The following CLTC variants were observed in gnomAD, a reference collection of about 807,000 sequenced individuals.
The protein encoded by CLTC is clathrin heavy chain 1.
In CLTC, 16 loss-of-function variants were observed where a neutral mutation model predicts 195.8. That is an observed-to-expected ratio of 0.08 (90% CI 0.06 to 0.12). The LOEUF (loss-of-function observed/expected upper bound fraction) is 0.12. Ranked by LOEUF, CLTC falls within the 10% of genes least tolerant of loss-of-function variation. CLTC has a pLI of 1.00. For missense variants in CLTC, 796 were observed against 2,027.0 expected (o/e 0.39, Z 11.66); for synonymous variants, 667 against 689.4 (o/e 0.97, Z 0.51).
At chr17:59,643,603 A>G (rs1255217605) in intron 1 of CLTC, among the ~76,000 whole-genome samples, 4 of 151,970 alleles carry the variant, frequency 2.6e-5, no homozygotes, top group African/African-American at 7.3e-5. Flanking sequence ...TACTCCCTCA[A>G]TCCTATAGTG....
chr17:59,673,603 CAT>C (rs1313010170), intron 14 of CLTC, 42 bp from the exon 15 acceptor site: 1 of 1,501,004 alleles, frequency 6.7e-7, no homozygotes. Flanking sequence ...TTTGATACCT[CAT>C]AGAAGAAATT....
intron 30 of CLTC, chr17:59,687,044 C>T (rs966784803): frequency 2.7e-5 from 27 of 984,154 alleles, no homozygotes; most frequent in Admixed American, 1.2e-4. Flanking sequence ...TCTTTAACAT[C>T]TTTAAGTCTG....
At chr17:59,654,613 G>A (rs765552289) in intron 5 of CLTC, among the ~76,000 whole-genome samples, 1 of 152,214 alleles carries the variant, frequency 6.6e-6, no homozygotes, top group African/African-American at 2.4e-5. Flanking sequence ...CCCAGTAGCT[G>A]GGACTACAGG....
At chr17:59,638,099 A>G (rs2031922983) in intron 1 of CLTC, among the ~76,000 whole-genome samples, 1 of 152,148 alleles carries the variant, frequency 6.6e-6, no homozygotes, top group Non-Finnish European at 1.5e-5. Flanking sequence ...CAACCTATGG[A>G]CAGCTGAATT....
chr17:59,664,835 A>G lies in CLTC; in HGVS notation c.1570A>G (p.Ile524Val). The stretch of plus-strand genomic sequence containing the variant: ...ATTTCTGCTGAGAAATGTAATGCGA[A>G]TCAGTCCAGATCAGGGACAGCAGTT... ...WIFLLRNVMR[I>V]SPDQGQQFAQ... The change falls in exon 10 of 32, where the codon ATC becomes GTC. Residue 524 changes from isoleucine to valine, a missense_variant. Ile to Val is a conservative substitution (Grantham distance 29, BLOSUM62 3). Transcript: ENST00000269122. 6.2e-7 allele frequency: 1 copy of G among 1,614,080 alleles called. No individual in the cohort carries two copies. Among genetic ancestry groups the G allele is most frequent in the East Asian group, 2.2e-5 (1 of 44,868 alleles).
rs55669818 is a variant in CLTC, at chr17:59,656,666, ATT to A, written c.969+660_969+661del. ...CTTTATCTGTCATCTTATTATTTTA[ATT>A]TTTTTTTTTTTTTTTTTTTTCTTGA... On this transcript the variant is annotated intron_variant, in intron 6 of 31. Transcript: ENST00000269122. 2.2e-3 allele frequency among the ~76,000 whole-genome samples: 216 copies of A among 96,192 alleles called. 1 individual carries two copies. Among genetic ancestry groups the A allele is most frequent in the East Asian group, 9.6e-3 (30 of 3,116 alleles). 63.1% of individuals were successfully genotyped at this position (96,192 alleles called of 152,430 possible). A position where few individuals can be genotyped will look rare whatever the true frequency, so the allele number is the denominator to read the frequency against.
At chr17:59,649,655 G>T (rs750703970) in intron 4 of CLTC, among the ~76,000 whole-genome samples, 1 of 152,186 alleles carries the variant, frequency 6.6e-6, no homozygotes, top group Non-Finnish European at 1.5e-5. Context: ...TTTAAAAATT[G>T]AGATAGAGAT....
chr17:59,678,085 T>TA (rs1247233794), intron 17 of CLTC, among the ~76,000 whole-genome samples: 1 of 152,222 alleles, frequency 6.6e-6, no homozygotes, highest in Non-Finnish European at 1.5e-5. Context: ...AGTCTCTTTT[T>TA]AAAAAACAGA....
At chr17:59,625,427 G>T (rs1483107896) in intron 1 of CLTC, among the ~76,000 whole-genome samples, 1 of 152,018 alleles carries the variant, frequency 6.6e-6, no homozygotes, top group Non-Finnish European at 1.5e-5. Flanking sequence ...GCCCGGCTAT[G>T]TATATTTTGT....
At position 59,666,007 on chromosome 17, in the gene CLTC, A is replaced by G; in HGVS notation, c.1645-96A>G. ...GTTCTTAAGTGTTTATATTGTCCAA[A>G]TAAAATTCTCAGGTAAAGAAAGAGT... On this transcript the variant is annotated intron_variant, in intron 10 of 31. Transcript: ENST00000269122. The surrounding 1 kb of genome is among the most constrained non-coding windows in gnomAD (Gnocchi z 4.9). The G allele has an allele frequency of 1.1e-6, 1 of 926,876 alleles. No homozygotes were observed. The highest frequency in any genetic ancestry group is 1.6e-6 in the Non-Finnish European group (1 of 617,286). The allele number at this position is 926,876 out of a possible 1,614,324, so 57.4% of individuals were successfully genotyped here.
chr17:59,682,584 T>C lies in CLTC; in HGVS notation c.3601-45T>C. 1 of 1,603,360 alleles carries C rather than the reference T, an allele frequency of 6.2e-7. No homozygotes were observed. The highest frequency in any genetic ancestry group is 8.5e-7 in the Non-Finnish European group (1 of 1,173,034). On this transcript the variant is annotated intron_variant, in intron 22 of 31. Transcript: ENST00000269122. The surrounding 1 kb of genome is among the most constrained non-coding windows in gnomAD (Gnocchi z 6.8). ...TATCAATTTGAAAAGAGGATTAAGC[T>C]CACACTAATATCTTGCTGAATGTGG...
intron 5 of CLTC, among the ~76,000 whole-genome samples, chr17:59,655,093 G>C (rs992605850): frequency 6.6e-6 from 1 of 152,168 alleles, no homozygotes; most frequent in African/African-American, 2.4e-5. Context: ...ACTTGGCTAG[G>C]TCAAAAGGCC....
intron 5 of CLTC, among the ~76,000 whole-genome samples, chr17:59,654,599 C>T (rs2032418222): frequency 6.6e-6 from 1 of 152,220 alleles, no homozygotes; most frequent in South Asian, 2.1e-4. Context: ...CCTGCCTCAG[C>T]CTCCCCAGTA....
In CLTC at chr17:59,670,761, A is replaced by G. The variant is rs1382422491; in HGVS notation, c.2292+1821A>G. Among the ~76,000 whole-genome samples, 3 of 152,174 alleles carry G rather than the reference A, an allele frequency of 2.0e-5. No individual in the cohort carries two copies. In the East Asian group the frequency reaches 5.8e-4, roughly 29 times the overall value. On this transcript the variant is annotated intron_variant, in intron 14 of 31. Coordinates refer to ENST00000269122, the MANE Select transcript of CLTC (RefSeq NM_004859.4). ...TCCTCTAGTAAAGAAATGAAAAACA[A>G]TCCTCTGGGTACTAGGATGGTACTG...
chr17:59,684,998 G>A (rs2033152286), intron 28 of CLTC, 58 bp from the exon 29 acceptor site: 9 of 1,360,642 alleles, frequency 6.6e-6, no homozygotes, highest in Admixed American at 2.3e-5. Flanking sequence ...GATTGAGAAC[G>A]GAATATAATG....
chr17:59,663,754 A>T (rs1324144913), intron 8 of CLTC, 88 bp from the exon 9 acceptor site: 1 of 1,074,044 alleles, frequency 9.3e-7, no homozygotes, highest in African/African-American at 1.6e-5. Flanking sequence ...CTTTCATACT[A>T]GTTATTACTT....
In CLTC at chr17:59,656,075, G is replaced by A. The variant is rs377186718; in HGVS notation, c.969+48G>A. On this transcript the variant is annotated intron_variant, in intron 6 of 31. Coordinates refer to ENST00000269122, the MANE Select transcript of CLTC (RefSeq NM_004859.4). Reference sequence around the variant, plus strand: ...GCAATAAAATAAGATAACCTGATGAGTTGGGAACAATCCTGTCCTTTTGAG... The same window carrying A: ...GCAATAAAATAAGATAACCTGATGAATTGGGAACAATCCTGTCCTTTTGAG... The A allele has an allele frequency of 1.5e-4, 221 of 1,507,100 alleles. 4 individuals are homozygous for A. In the East Asian group the frequency reaches 1.7e-3, roughly 11 times the overall value. 93.4% of individuals were successfully genotyped at this position (1,507,100 alleles called of 1,614,324 possible). A position where few individuals can be genotyped will look rare whatever the true frequency, so the allele number is the denominator to read the frequency against.
intron 1 of CLTC, among the ~76,000 whole-genome samples, chr17:59,638,095 A>G (rs928572516): frequency 6.6e-6 from 1 of 152,148 alleles, no homozygotes. Flanking sequence ...CAGCCAACCT[A>G]TGGACAGCTG....
chr17:59,633,886 C>T (rs868010723), intron 1 of CLTC, among the ~76,000 whole-genome samples: 18 of 152,104 alleles, frequency 1.2e-4, no homozygotes, highest in Admixed American at 8.5e-4. Flanking sequence ...TTTATAACAT[C>T]CTTTATGCTA....
Sources: allele counts gnomAD v4.1 joint callset (sites outside exome capture counted in the v4.1 genomes callset), GRCh38; gene constraint gnomAD v4.1.1; non-coding constraint Gnocchi (gnomAD v3.1); transcripts MANE v1.5; gene names NCBI Gene and HGNC (gene_info 2026-07-23, HGNC 2026-07-21).